The following EPB41 variants were observed in gnomAD, a reference collection of about 807,000 sequenced individuals.
EPB41 encodes protein 4.1.
EPB41 carries 65 observed loss-of-function variants against 108.0 expected under a neutral mutation model. That is an observed-to-expected ratio of 0.60 (90% CI 0.49 to 0.74). The LOEUF (loss-of-function observed/expected upper bound fraction) is 0.74. Ranked by LOEUF, EPB41 falls within the 30% of genes least tolerant of loss-of-function variation. The pLI is 0.00. For missense variants in EPB41, 875 were observed against 1,037.0 expected, an observed-to-expected ratio of 0.84 and a Z score of 2.15; for synonymous variants, 336 against 358.9, an observed-to-expected ratio of 0.94 and a Z score of 0.72.
chr1:28,922,170 G>A (rs959280875), intron 1 of EPB41, among the ~76,000 whole-genome samples: 6 of 151,256 alleles, frequency 4.0e-5, no homozygotes, highest in South Asian at 2.1e-4. Context: ...GGGTTTCACC[G>A]TGTTGGTTAG....
chr1:28,897,648 A>G (rs642308), intron 1 of EPB41, among the ~76,000 whole-genome samples: 1,120 of 9,038 alleles, frequency 0.12, 79 homozygotes, highest in East Asian at 0.35. Context: ...AGGAGGGGAG[A>G]GGAGGGGAGG....
chr1:29,015,591 G>T, intron 5 of EPB41, 101 bp from the exon 6 acceptor site: 3 of 765,734 alleles, frequency 3.9e-6, no homozygotes, highest in Non-Finnish European at 6.4e-6. Context: ...AAAAAAAAAA[G>T]AAAGAAAAAG....
At position 29,117,663 on chromosome 1, in the gene EPB41, T is replaced by C. The variant is rs1224944079; in HGVS notation, c.*851T>C. ...AAAATAGGCACTTTGGGCCAAAAGC[T>C]CTAATGGAACATTTTTAGTGGTGAT... On this transcript the variant is annotated 3_prime_UTR_variant, in exon 21 of 21. Coordinates refer to ENST00000343067, the MANE Select transcript of EPB41 (RefSeq NM_001376013.1). 1 of 152,616 alleles carries C rather than the reference T, an allele frequency of 6.6e-6. No individual in the cohort carries two copies. The highest frequency in any genetic ancestry group is 1.9e-4 in the East Asian group (1 of 5,192). The allele number at this position is 152,616 out of a possible 1,614,324, so 9.5% of individuals were successfully genotyped here. A position where few individuals can be genotyped will look rare whatever the true frequency, so the allele number is the denominator to read the frequency against.
chr1:29,032,681 T>C (rs2096804667), intron 8 of EPB41, among the ~76,000 whole-genome samples: 1 of 152,204 alleles, frequency 6.6e-6, no homozygotes, highest in Admixed American at 6.5e-5. Context: ...ATGATTTCAT[T>C]GTGCCTTAAT....
chr1:28,940,372 C>T (rs915481672), intron 1 of EPB41, among the ~76,000 whole-genome samples: 3 of 152,158 alleles, frequency 2.0e-5, no homozygotes, highest in Non-Finnish European at 4.4e-5. Context: ...TAGTATTTCG[C>T]CAGGGGCGGT....
At chr1:29,015,337 C>T (rs1005713811) in intron 5 of EPB41, among the ~76,000 whole-genome samples, 2 of 152,106 alleles carry the variant, frequency 1.3e-5, no homozygotes, top group Admixed American at 6.5e-5. Flanking sequence ...GCGGGTGGAT[C>T]GCCTGAGGTT....
chr1:29,066,207 T>A (rs1022310648), intron 16 of EPB41, among the ~76,000 whole-genome samples: 34 of 151,272 alleles, frequency 2.2e-4, no homozygotes, highest in Non-Finnish European at 7.4e-5. Flanking sequence ...GATCATGAGG[T>A]CAGGAGTTCG....
intron 11 of EPB41, among the ~76,000 whole-genome samples, chr1:29,048,972 G>A (rs372537640): frequency 9.9e-5 from 15 of 151,920 alleles, no homozygotes; most frequent in East Asian, 5.8e-4. Flanking sequence ...ACTTTTTCCC[G>A]TTGAGTCACC....
chr1:29,076,885 C>T (rs558439287), intron 16 of EPB41, among the ~76,000 whole-genome samples: 1 of 152,044 alleles, frequency 6.6e-6, no homozygotes, highest in South Asian at 2.1e-4. Context: ...CCAGCCTGGG[C>T]GACACAGCAT....
chr1:29,036,823 A>C (rs184441480), intron 10 of EPB41, among the ~76,000 whole-genome samples: 34 of 151,664 alleles, frequency 2.2e-4, no homozygotes, highest in Admixed American at 2.1e-3. Context: ...TTACAGGTGC[A>C]CACCACCATA....
intron 7 of EPB41, among the ~76,000 whole-genome samples, chr1:29,026,385 T>C (rs1399648440): frequency 1.3e-5 from 2 of 152,074 alleles, no homozygotes; most frequent in African/African-American, 4.8e-5. Context: ...GATAGGTAGA[T>C]ATAGAAATAT....
At chr1:29,029,473 G>T (rs1208780134) in intron 7 of EPB41, among the ~76,000 whole-genome samples, 1 of 152,188 alleles carries the variant, frequency 6.6e-6, no homozygotes, top group African/African-American at 2.4e-5. Flanking sequence ...GACCCCTGCA[G>T]CTTTCTGTAG....
chr1:28,993,296 T>G, intron 2 of EPB41, 34 bp from the exon 3 acceptor site: 1 of 1,559,918 alleles, frequency 6.4e-7, no homozygotes, highest in Non-Finnish European at 8.8e-7. Context: ...TGAAATGTGT[T>G]TATTACTGAC....
intron 15 of EPB41, among the ~76,000 whole-genome samples, chr1:29,061,583 T>G (rs866969626): frequency 7.3e-6 from 1 of 137,456 alleles, no homozygotes; most frequent in African/African-American, 2.7e-5. Flanking sequence ...TTTTTTTTTT[T>G]TTTTTTTTTT....
At chr1:28,929,401 AT>A (rs562154176) in intron 1 of EPB41, among the ~76,000 whole-genome samples, 29 of 141,722 alleles carry the variant, frequency 2.0e-4, no homozygotes, top group African/African-American at 3.9e-4. Context: ...AATTTTTTGT[AT>A]TTTTTTTTTA....
chr1:28,930,007 A>G (rs928282635), intron 1 of EPB41, among the ~76,000 whole-genome samples: 1 of 151,750 alleles, frequency 6.6e-6, no homozygotes, highest in Admixed American at 6.6e-5. Context: ...CCCCCTGAAA[A>G]GAAACTTCAT....
intron 1 of EPB41, among the ~76,000 whole-genome samples, chr1:28,890,615 T>G (rs879543528): frequency 6.6e-6 from 1 of 152,246 alleles, no homozygotes; most frequent in Admixed American, 6.5e-5. Context: ...CCGTGTTCTC[T>G]AATCATAATT....
intron 16 of EPB41, among the ~76,000 whole-genome samples, chr1:29,083,760 A>G (rs1339998943): frequency 6.6e-6 from 1 of 152,168 alleles, no homozygotes; most frequent in East Asian, 1.9e-4. Flanking sequence ...ATAAAGACAT[A>G]TGTTTTGCTC....
chr1:29,020,149 G>T (rs1345820437), intron 7 of EPB41, among the ~76,000 whole-genome samples: 1 of 151,738 alleles, frequency 6.6e-6, no homozygotes, highest in African/African-American at 2.4e-5. Flanking sequence ...GCTCACTGCA[G>T]CCTCCACCTC....
Sources: gnomAD v4.1 joint callset for allele counts (sites outside exome capture counted in the v4.1 genomes callset) on GRCh38, gnomAD v4.1.1 for gene constraint, MANE v1.5 for transcripts, NCBI Gene and HGNC (gene_info 2026-07-23, HGNC 2026-07-21) for gene names.